The following TRAK1 variants were observed in gnomAD, a reference collection of about 807,000 sequenced individuals.
The protein encoded by TRAK1 is trafficking kinesin protein 1.
TRAK1 carries 33 observed loss-of-function variants against 92.1 expected under a neutral mutation model. The ratio of observed to expected loss-of-function variants is 0.36; its 90% confidence interval spans 0.27 to 0.48. The LOEUF is 0.48. Among genes scored for constraint, TRAK1 ranks in the 20% least tolerant of loss-of-function variants. TRAK1 has a pLI of 0.99. For missense variants in TRAK1, 1,123 were observed against 1,257.9 expected (o/e 0.89, Z 1.62); for synonymous variants, 521 against 517.3 (o/e 1.01, Z -0.10).
At chr3:42,217,343 T>G (rs1336210776) in intron 14 of TRAK1, 2 of 985,276 alleles carry the variant, frequency 2.0e-6, no homozygotes, top group Non-Finnish European at 2.4e-6. Context: ...AATCTCTGGC[T>G]TTAGCACTTT....
At chr3:42,083,549 A>G (rs1474123007), upstream of TRAK1, among the ~76,000 whole-genome samples, 1 of 152,214 alleles carries the variant, frequency 6.6e-6, no homozygotes, top group Non-Finnish European at 1.5e-5. Flanking sequence ...AATTGGGTAT[A>G]GAAGTCTTAT....
chr3:42,034,030 C>T (rs998062031), intron 1 of TRAK1, among the ~76,000 whole-genome samples: 13 of 152,190 alleles, frequency 8.5e-5, no homozygotes, highest in African/African-American at 3.1e-4. Context: ...CCTGGAGTTA[C>T]CTGTTCATCT....
At chr3:42,166,155 T>G (rs1284514692) in intron 2 of TRAK1, among the ~76,000 whole-genome samples, 1 of 152,186 alleles carries the variant, frequency 6.6e-6, no homozygotes, top group Non-Finnish European at 1.5e-5. Flanking sequence ...ATTTATTTAC[T>G]TAGCAGACAT....
At position 42,209,888 on chromosome 3, in the gene TRAK1, G is replaced by A. The variant is rs774532064; in HGVS notation, c.1866G>A (p.Val622=). 11 of 1,614,200 alleles carry A rather than the reference G, an allele frequency of 6.8e-6. No individual in the cohort carries two copies. In the South Asian group the frequency reaches 1.1e-4, roughly 16 times the overall value. The change falls in exon 14 of 16, where the codon GTG becomes GTA. Residue 622 remains valine (V), a synonymous_variant. Coordinates refer to ENST00000327628, the MANE Select transcript of TRAK1 (RefSeq NM_001042646.3). ...CGCTGGATGTTGACCTGGACGAAGT[G>A]TACTGCCTTAACGACTTTGAAGAAG... ...FRTLDVDLDE[V]YCLNDFEEDD...
At chr3:42,111,216 C>T in intron 1 of TRAK1, among the ~76,000 whole-genome samples, 1 of 152,122 alleles carries the variant, frequency 6.6e-6, no homozygotes, top group East Asian at 1.9e-4. Flanking sequence ...TAACTGACTC[C>T]ATCTTGCTCT....
At chr3:42,098,134 T>A (rs1706215770) in intron 1 of TRAK1, among the ~76,000 whole-genome samples, 1 of 151,946 alleles carries the variant, frequency 6.6e-6, no homozygotes, top group Admixed American at 6.6e-5. Flanking sequence ...CCTTGCTGTC[T>A]CCTTTCTTCT....
chr3:42,151,368 A>T (rs1699927501), intron 2 of TRAK1: 4 of 456,604 alleles, frequency 8.8e-6, no homozygotes, highest in South Asian at 1.5e-5. Context: ...GCCCTGAGAG[A>T]CCCTGATCTG....
intron 2 of TRAK1, among the ~76,000 whole-genome samples, chr3:42,157,858 G>A (rs755593797): frequency 2.7e-4 from 41 of 152,232 alleles, no homozygotes; most frequent in Non-Finnish European, 4.9e-4. Flanking sequence ...TTTCAGTGTT[G>A]AGAAAGAGAA....
intron 2 of TRAK1, among the ~76,000 whole-genome samples, chr3:42,135,788 G>A (rs1697879193): frequency 6.6e-6 from 1 of 152,110 alleles, no homozygotes; most frequent in Admixed American, 6.5e-5. Flanking sequence ...TCAGTGCTCT[G>A]GCTTGGGGTC....
intron 6 of TRAK1, 60 bp downstream of exon 6, chr3:42,189,184 C>CTGGCAAGGACAACCA (rs1705320568): frequency 7.7e-7 from 1 of 1,302,430 alleles, no homozygotes; most frequent in African/African-American, 1.5e-5. Flanking sequence ...TTCGCCTTAT[C>CTGGCAAGGACAACCA]TGGCAAGGAC....
upstream of TRAK1, chr3:42,091,219 T>G (rs749170948): frequency 9.8e-4 from 456 of 465,876 alleles, 5 homozygotes; most frequent in Non-Finnish European, 2.0e-4. Flanking sequence ...AGGTATCACA[T>G]TTTTGGGTGC....
At chr3:42,029,119 T>TA (rs1702021357) in intron 1 of TRAK1, among the ~76,000 whole-genome samples, 2 of 152,048 alleles carry the variant, frequency 1.3e-5, no homozygotes, top group Non-Finnish European at 1.5e-5. Flanking sequence ...TACACACTTT[T>TA]AAACAGTACC....
At chr3:42,219,947 A>G (rs552662419) in intron 15 of TRAK1, among the ~76,000 whole-genome samples, 1 of 151,982 alleles carries the variant, frequency 6.6e-6, no homozygotes, top group African/African-American at 2.4e-5. Flanking sequence ...ATCTGGCTCA[A>G]ATAAAGAGAC....
chr3:42,220,673 G>C lies in TRAK1; in HGVS notation c.2066+1077G>C, dbSNP rs1043337022. 6 of 889,216 alleles carry C rather than the reference G, an allele frequency of 6.7e-6. No individual in the cohort carries two copies. The Admixed American group carries it at 3.7e-4, about 55-fold the overall frequency. The allele number at this position is 889,216 out of a possible 1,614,324, so 55.1% of individuals were successfully genotyped here. A position where few individuals can be genotyped will look rare whatever the true frequency, so the allele number is the denominator to read the frequency against. On this transcript the variant is annotated intron_variant, in intron 15 of 15. Transcript: ENST00000327628. The stretch of plus-strand genomic sequence containing the variant: ...GTGCACGCGTGGCCGCCACTAACCC[G>C]GGGACTTAGGCTTGGATGTGTCTCT...
chr3:42,128,928 ATCTTTTATT>A (rs1333124044), intron 2 of TRAK1, among the ~76,000 whole-genome samples: 1 of 152,176 alleles, frequency 6.6e-6, no homozygotes, highest in African/African-American at 2.4e-5. Flanking sequence ...ATTTATTTAG[ATCTTTTATT>A]TCTTTTATTC....
rs539266049 is a variant in TRAK1, at chr3:42,190,727, T to TCTTG, written c.691-815_691-812dup. Reference sequence around the variant, plus strand: ...AGAGACACTTCTGTCTAACTGGGGCTCTTGCTTGCTTGCTTGCTTTGCCTC... The same window carrying TCTTG: ...AGAGACACTTCTGTCTAACTGGGGCTCTTGCTTGCTTGCTTGCTTGCTTTGCCTC... On this transcript the variant is annotated intron_variant, in intron 6 of 15. Coordinates refer to ENST00000327628, the MANE Select transcript of TRAK1 (RefSeq NM_001042646.3). 8.1e-3 allele frequency among the ~76,000 whole-genome samples: 1,238 copies of TCTTG among 152,240 alleles called. 11 individuals are homozygous for TCTTG. Among genetic ancestry groups the TCTTG allele is most frequent in the Non-Finnish European group, 0.013 (910 of 67,992 alleles).
chr3:42,140,453 C>T (rs988809427), intron 2 of TRAK1, among the ~76,000 whole-genome samples: 8 of 152,212 alleles, frequency 5.3e-5, no homozygotes, highest in Middle Eastern at 3.4e-3. Context: ...ATGGTGAAAC[C>T]CCGTCTCTAC....
intron 1 of TRAK1, among the ~76,000 whole-genome samples, chr3:42,108,596 T>C (rs758597824): frequency 6.6e-6 from 1 of 150,976 alleles, no homozygotes; most frequent in Non-Finnish European, 1.5e-5. Flanking sequence ...TTGCATAGCA[T>C]GATGGGTAAA....
Position 42,223,584 on chromosome 3 carries a change from T to C in TRAK1, c.2709T>C (p.Ser903=). ...GLPLRCPTVT[S]AIGGLQLNSG... is the part of the protein sequence containing the mutation. ...CCCTCAGATGCCCCACTGTCACCAG[T>C]GCCATCGGTGGGCTGCAGCTCAATA... The change falls in exon 16 of 16, where the codon AGT becomes AGC. Residue 903 remains serine, a synonymous_variant. Coordinates refer to ENST00000327628, the MANE Select transcript of TRAK1 (RefSeq NM_001042646.3). The surrounding 1 kb of genome is among the most constrained non-coding windows in gnomAD (Gnocchi z 6.1). 1 of 1,613,914 alleles carries C rather than the reference T, an allele frequency of 6.2e-7. No individual in the cohort carries two copies.
Sources: gnomAD v4.1 joint callset for allele counts (sites outside exome capture counted in the v4.1 genomes callset) on GRCh38, gnomAD v4.1.1 for gene constraint, Gnocchi (gnomAD v3.1) non-coding constraint, MANE v1.5 for transcripts, NCBI Gene and HGNC (gene_info 2026-07-23, HGNC 2026-07-21) for gene names.